GALNTL6: variants seen among roughly 807,000 people sequenced by gnomAD.
The protein encoded by GALNTL6 is polypeptide N-acetylgalactosaminyltransferase-like 6.
A neutral mutation model predicts 73.7 loss-of-function variants in GALNTL6; 46 were observed. The ratio of observed to expected loss-of-function variants is 0.62; its 90% CI spans 0.49 to 0.80. The LOEUF (loss-of-function observed/expected upper bound fraction) is 0.80. Ranked by LOEUF, GALNTL6 falls within the 30% of genes least tolerant of loss-of-function variation. The pLI, the probability that GALNTL6 is intolerant of heterozygous loss-of-function variation, is 0.00. For synonymous variants in GALNTL6, 259 were observed against 263.7 expected (o/e 0.98, Z 0.17); for missense variants, 604 against 755.0 (o/e 0.80, Z 2.34).
intron 3 of GALNTL6, among the ~76,000 whole-genome samples, chr4:172,256,668 C>T (rs1007762823): frequency 2.6e-5 from 4 of 151,278 alleles, no homozygotes; most frequent in African/African-American, 9.7e-5. Context: ...TTTCTCTACC[C>T]AGAATATTTT....
chr4:172,931,009 G>A (rs1484314814), intron 8 of GALNTL6, 152 bp from the exon 9 acceptor site: 4 of 615,698 alleles, frequency 6.5e-6, no homozygotes, highest in Non-Finnish European at 1.2e-5. Context: ...TTAAAAAAAA[G>A]TGGTTTTCTT....
intron 5 of GALNTL6, among the ~76,000 whole-genome samples, chr4:172,476,349 A>G (rs1733230910): frequency 6.6e-6 from 1 of 152,168 alleles, no homozygotes; most frequent in Admixed American, 6.5e-5. Flanking sequence ...CTTATGCCCC[A>G]GTCACCTCTC....
chr4:171,972,030 C>T (rs556186925), intron 2 of GALNTL6, among the ~76,000 whole-genome samples: 75 of 152,234 alleles, frequency 4.9e-4, no homozygotes, highest in African/African-American at 1.8e-3. Context: ...AGGCTTGAAT[C>T]CACTGTGGTG....
chr4:171,968,949 G>T (rs1739478621), intron 2 of GALNTL6, among the ~76,000 whole-genome samples: 1 of 151,750 alleles, frequency 6.6e-6, no homozygotes, highest in African/African-American at 2.4e-5. Context: ...CGATTTTCCT[G>T]CCTCAGCCTC....
intron 5 of GALNTL6, among the ~76,000 whole-genome samples, chr4:172,533,441 C>T (rs916860399): frequency 6.7e-6 from 1 of 149,354 alleles, no homozygotes; most frequent in Non-Finnish European, 1.5e-5. Flanking sequence ...TCTTCTGCCT[C>T]AGCCTCCTGA....
intron 5 of GALNTL6, among the ~76,000 whole-genome samples, chr4:172,482,372 G>A (rs338030): frequency 0.1 from 15,665 of 152,280 alleles, 922 homozygotes; most frequent in East Asian, 0.23. Context: ...AGCGGATGCC[G>A]AGCCCAAGGA....
chr4:172,267,840 T>C (rs1406601708), intron 3 of GALNTL6, among the ~76,000 whole-genome samples: 1 of 152,080 alleles, frequency 6.6e-6, no homozygotes, highest in African/African-American at 2.4e-5. Flanking sequence ...ATCTAAACAT[T>C]AGTGGATGAA....
intron 9 of GALNTL6, among the ~76,000 whole-genome samples, chr4:172,933,759 T>C (rs1340799318): frequency 6.6e-6 from 1 of 152,192 alleles, no homozygotes; most frequent in African/African-American, 2.4e-5. Flanking sequence ...AGAGAGACTT[T>C]ATATATACTT....
intron 2 of GALNTL6, among the ~76,000 whole-genome samples, chr4:172,074,375 T>G (rs1336943354): frequency 1.3e-5 from 2 of 152,138 alleles, no homozygotes; most frequent in Admixed American, 1.3e-4. Context: ...GGAGAAGGAA[T>G]TAATGAAGCA....
chr4:172,216,664 C>CT (rs1243998003), intron 2 of GALNTL6, among the ~76,000 whole-genome samples: 5 of 151,872 alleles, frequency 3.3e-5, no homozygotes, highest in Non-Finnish European at 5.9e-5. Context: ...TTTGGATGTT[C>CT]TTTTTTTCTC....
chr4:171,983,219 A>G (rs79882259), intron 2 of GALNTL6, among the ~76,000 whole-genome samples: 2,327 of 152,246 alleles, frequency 0.015, 63 homozygotes, highest in African/African-American at 0.053. Flanking sequence ...TATGATCCAC[A>G]ATTTTATTTT....
chr4:172,303,998 C>T (rs1389516492), intron 3 of GALNTL6, among the ~76,000 whole-genome samples: 2 of 152,284 alleles, frequency 1.3e-5, no homozygotes, highest in South Asian at 2.1e-4. Context: ...AATGATTTCT[C>T]ACCCAAAGAC....
intron 5 of GALNTL6, among the ~76,000 whole-genome samples, chr4:172,420,685 C>G (rs1305724634): frequency 2.6e-5 from 4 of 151,996 alleles, no homozygotes; most frequent in Non-Finnish European, 4.4e-5. Flanking sequence ...ATTTTAATTG[C>G]TCCTTAGTAT....
chr4:172,737,307 C>CT (rs200806628), intron 5 of GALNTL6, among the ~76,000 whole-genome samples: 23 of 151,062 alleles, frequency 1.5e-4, no homozygotes, highest in South Asian at 8.4e-4. Context: ...CCTTTTCATT[C>CT]TTTTTTTTTC....
intron 2 of GALNTL6, among the ~76,000 whole-genome samples, chr4:172,202,256 A>G (rs1261412057): frequency 6.6e-6 from 1 of 152,192 alleles, no homozygotes; most frequent in Non-Finnish European, 1.5e-5. Context: ...GAGCACAGTA[A>G]TTTGAAACTG....
chr4:172,019,048 T>TAGGAG (rs1232494580), intron 2 of GALNTL6, among the ~76,000 whole-genome samples: 4 of 152,184 alleles, frequency 2.6e-5, no homozygotes, highest in African/African-American at 9.6e-5. Context: ...GAGGCAGATT[T>TAGGAG]TTCCCCTCTC....
chr4:172,717,647 C>T (rs966921229), intron 5 of GALNTL6, among the ~76,000 whole-genome samples: 1 of 152,114 alleles, frequency 6.6e-6, no homozygotes, highest in African/African-American at 2.4e-5. Flanking sequence ...GTATAGGATA[C>T]ATCAACACAC....
chr4:172,921,531 C>T (rs1056234478), intron 8 of GALNTL6, among the ~76,000 whole-genome samples: 80 of 152,168 alleles, frequency 5.3e-4, no homozygotes, highest in African/African-American at 1.7e-3. Context: ...CACAGTGGCT[C>T]ATGCCTGTAA....
At chr4:172,738,324 C>A (rs956783171) in intron 5 of GALNTL6, among the ~76,000 whole-genome samples, 1 of 152,108 alleles carries the variant, frequency 6.6e-6, no homozygotes, top group African/African-American at 2.4e-5. Context: ...CTCCGCATCC[C>A]CAGAAACTGG....
Sources: allele counts gnomAD v4.1 joint callset (sites outside exome capture counted in the v4.1 genomes callset), GRCh38; gene constraint gnomAD v4.1.1; transcripts MANE v1.5; gene names NCBI Gene and HGNC (gene_info 2026-07-23, HGNC 2026-07-21).